The following DNAAF11 variants were observed in gnomAD, a reference collection of about 807,000 sequenced individuals.
DNAAF11 encodes the protein dynein axonemal assembly factor 11.
Under a neutral mutation model 60.8 loss-of-function variants are expected in DNAAF11, and 45 were observed. That is an observed-to-expected ratio of 0.74 (90% CI 0.58 to 0.95). The LOEUF (loss-of-function observed/expected upper bound fraction) is 0.95, where lower values mean the gene tolerates loss of function less well. Ranked by LOEUF, DNAAF11 falls within the 40% of genes least tolerant of loss-of-function variation. The pLI is 0.00. For missense variants in DNAAF11, 546 were observed against 546.2 expected, an observed-to-expected ratio of 1.00 and a Z score of 0.00; for synonymous variants, 191 against 183.5, an observed-to-expected ratio of 1.04 and a Z score of -0.33.
At chr8:132,631,286 C>A (rs1820770383) in intron 5 of DNAAF11, among the ~76,000 whole-genome samples, 1 of 152,154 alleles carries the variant, frequency 6.6e-6, no homozygotes, top group Admixed American at 6.5e-5. Context: ...GACCAGCTGG[C>A]ACCACTAGGA....
intron 9 of DNAAF11, 149 bp from the exon 10 acceptor site, chr8:132,610,410 CTTT>C: frequency 1.7e-6 from 1 of 591,784 alleles, no homozygotes; most frequent in Non-Finnish European, 3.0e-6. Flanking sequence ...ATGAGCTATG[CTTT>C]CTATGCACAA....
At chr8:132,679,881 C>T (rs1188043376), upstream of DNAAF11, among the ~76,000 whole-genome samples, 2 of 152,210 alleles carry the variant, frequency 1.3e-5, no homozygotes, top group African/African-American at 4.8e-5. Context: ...AAACCTCTTT[C>T]TTTTGGACAT....
intron 7 of DNAAF11, among the ~76,000 whole-genome samples, chr8:132,622,151 T>C (rs1347137758): frequency 1.3e-5 from 2 of 152,194 alleles, no homozygotes; most frequent in Non-Finnish European, 2.9e-5. Flanking sequence ...CATCCTCTCA[T>C]TAAATTCATT....
intron 10 of DNAAF11, among the ~76,000 whole-genome samples, chr8:132,604,067 T>C (rs953153660): frequency 6.6e-6 from 1 of 152,156 alleles, no homozygotes; most frequent in African/African-American, 2.4e-5. Context: ...CTTTTTTCAG[T>C]TAGAAATTTC....
At chr8:132,692,620 C>T in the DNAAF11 span, among the ~76,000 whole-genome samples, 1 of 152,170 alleles carries the variant, frequency 6.6e-6, no homozygotes, top group African/African-American at 2.4e-5. Context: ...CATTAGGCAG[C>T]CAAAATCCAG....
At chr8:132,695,222 T>C in the DNAAF11 span, among the ~76,000 whole-genome samples, 43 of 152,284 alleles carry the variant, frequency 2.8e-4, no homozygotes, top group African/African-American at 9.4e-4. Flanking sequence ...GGAATTTTGC[T>C]GCTACTGTAA....
chr8:132,604,148 G>C (rs979865125), intron 10 of DNAAF11, among the ~76,000 whole-genome samples: 1 of 152,176 alleles, frequency 6.6e-6, no homozygotes, highest in African/African-American at 2.4e-5. Flanking sequence ...AAGTATGGAT[G>C]AAACAAGAAA....
chr8:132,608,819 TTTG>T (rs1224487476), intron 10 of DNAAF11, among the ~76,000 whole-genome samples: 4 of 152,232 alleles, frequency 2.6e-5, no homozygotes, highest in Non-Finnish European at 5.9e-5. Flanking sequence ...TACAGCTGTG[TTTG>T]TTATTTTATT....
At chr8:132,675,395 G>A (rs1825697961) in intron 1 of DNAAF11, 89 bp downstream of exon 1, 3 of 1,429,910 alleles carry the variant, frequency 2.1e-6, no homozygotes, top group Non-Finnish European at 2.9e-6. Context: ...CGACAGCGCA[G>A]GGCGGGAGCG....
At chr8:132,613,117 T>A (rs1377922607) in intron 8 of DNAAF11, among the ~76,000 whole-genome samples, 2 of 152,118 alleles carry the variant, frequency 1.3e-5, no homozygotes, top group Admixed American at 1.3e-4. Context: ...GGAGAAGAGC[T>A]GGGATCTTTG....
At chr8:132,662,891 T>C (rs1824271377) in intron 1 of DNAAF11, among the ~76,000 whole-genome samples, 1 of 152,224 alleles carries the variant, frequency 6.6e-6, no homozygotes, top group African/African-American at 2.4e-5. Context: ...AAAAGTGGAA[T>C]TTGCCTTTTT....
At chr8:132,679,206 C>T (rs918145943), upstream of DNAAF11, among the ~76,000 whole-genome samples, 1 of 152,214 alleles carries the variant, frequency 6.6e-6, no homozygotes, top group Non-Finnish European at 1.5e-5. Flanking sequence ...GAGAGCTACT[C>T]GAGGGCAGAG....
At chr8:132,610,063 T>G in intron 10 of DNAAF11, 103 bp downstream of exon 10, 3 of 752,116 alleles carry the variant, frequency 4.0e-6, no homozygotes, top group Non-Finnish European at 6.8e-6. Flanking sequence ...TGCTCCCAAC[T>G]AAAATGTACT....
chr8:132,682,045 G>T, the DNAAF11 span, among the ~76,000 whole-genome samples: 1 of 152,204 alleles, frequency 6.6e-6, no homozygotes, highest in Non-Finnish European at 1.5e-5. Context: ...CTCAGTTTGA[G>T]ATGTGAAGGT....
intron 1 of DNAAF11, among the ~76,000 whole-genome samples, chr8:132,663,309 G>A (rs1824310851): frequency 6.6e-6 from 1 of 152,144 alleles, no homozygotes; most frequent in Admixed American, 6.5e-5. Context: ...TGTAAGAGAA[G>A]AGCATTAAAA....
the DNAAF11 span, among the ~76,000 whole-genome samples, chr8:132,688,948 G>A: frequency 2.6e-5 from 4 of 152,182 alleles, no homozygotes; most frequent in East Asian, 7.7e-4. Flanking sequence ...AACTAAGAGT[G>A]TTTTGCCAGT....
At chr8:132,653,907 C>T (rs540496130) in intron 3 of DNAAF11, among the ~76,000 whole-genome samples, 2 of 152,032 alleles carry the variant, frequency 1.3e-5, no homozygotes, top group East Asian at 3.9e-4. Flanking sequence ...CAAATTCTGC[C>T]TTATTGCTAA....
intron 8 of DNAAF11, among the ~76,000 whole-genome samples, chr8:132,613,091 G>C (rs1818823711): frequency 6.6e-6 from 1 of 152,218 alleles, no homozygotes; most frequent in South Asian, 2.1e-4. Flanking sequence ...GAGGAGCAGA[G>C]GATATGAAGC....
chr8:132,625,260 A>G lies in DNAAF11; in HGVS notation c.836+12T>C. Reference sequence around the variant, plus strand: ...GGCTACTGCTTCCCTCTCCTAGGAAAGAATGAAATACCTTAATTTTTCCTG... The same window carrying G: ...GGCTACTGCTTCCCTCTCCTAGGAAGGAATGAAATACCTTAATTTTTCCTG... On this transcript the variant is annotated intron_variant, in intron 6 of 11. Transcript: ENST00000620350. 6.3e-7 allele frequency: 1 copy of G among 1,582,678 alleles called. No individual in the cohort carries two copies. The highest frequency in any genetic ancestry group is 8.6e-7 in the Non-Finnish European group (1 of 1,164,896).
Sources: gnomAD v4.1 joint callset for allele counts (sites outside exome capture counted in the v4.1 genomes callset) on GRCh38, gnomAD v4.1.1 for gene constraint, MANE v1.5 for transcripts, NCBI Gene and HGNC (gene_info 2026-07-23, HGNC 2026-07-21) for gene names.